The following GABRB1 variants were observed in gnomAD, a reference collection of about 807,000 sequenced individuals.
GABRB1 encodes gamma-aminobutyric acid receptor subunit beta-1.
GABRB1 carries 17 observed loss-of-function variants against 51.6 expected under a neutral mutation model. That is an observed-to-expected ratio of 0.33 (90% CI 0.23 to 0.49). The LOEUF (loss-of-function observed/expected upper bound fraction) is 0.49. Ranked by LOEUF, GABRB1 falls within the 20% of genes least tolerant of loss-of-function variation. GABRB1 has a pLI of 0.99. For missense variants in GABRB1, 410 were observed against 600.6 expected (o/e 0.68, Z 3.32); for synonymous variants, 247 against 218.9 (o/e 1.13, Z -1.14).
At chr4:47,076,917 T>G (rs947342947) in intron 3 of GABRB1, among the ~76,000 whole-genome samples, 1 of 152,224 alleles carries the variant, frequency 6.6e-6, no homozygotes, top group Non-Finnish European at 1.5e-5. Context: ...TCTTTTCTCC[T>G]TGGCCCACTG....
At chr4:47,315,877 G>A (rs1724867344) in intron 4 of GABRB1, among the ~76,000 whole-genome samples, 2 of 151,780 alleles carry the variant, frequency 1.3e-5, no homozygotes, top group South Asian at 4.2e-4. Flanking sequence ...AGTCACTGAG[G>A]CATACTTGAA....
At chr4:47,146,995 C>T (rs1316810505) in intron 3 of GABRB1, among the ~76,000 whole-genome samples, 1 of 151,896 alleles carries the variant, frequency 6.6e-6, no homozygotes, top group East Asian at 1.9e-4. Flanking sequence ...TTTTTCTGGG[C>T]CACTTTTATT....
chr4:47,276,704 G>A (rs932461055), intron 4 of GABRB1, among the ~76,000 whole-genome samples: 2 of 151,968 alleles, frequency 1.3e-5, no homozygotes, highest in African/African-American at 4.8e-5. Context: ...ATCTTATTAC[G>A]CTAATGCAGA....
At chr4:47,020,582 C>A (rs540501417) in intron 1 of GABRB1, among the ~76,000 whole-genome samples, 1 of 152,160 alleles carries the variant, frequency 6.6e-6, no homozygotes, top group Non-Finnish European at 1.5e-5. Flanking sequence ...TCGAAGATAT[C>A]GGAGTCATCT....
intron 4 of GABRB1, among the ~76,000 whole-genome samples, chr4:47,245,800 G>T (rs2109855215): frequency 6.7e-6 from 1 of 150,166 alleles, no homozygotes; most frequent in African/African-American, 2.4e-5. Context: ...GCATACTGTG[G>T]TCTTTTCGTT....
rs565274684 is a variant in GABRB1 at position 47,310,545 on chromosome 4, A to C, written c.462-9582A>C. Among the ~76,000 whole-genome samples the C allele has an allele frequency of 2.6e-5, 4 of 152,286 alleles. No homozygotes were observed. In the South Asian group the frequency reaches 8.3e-4, roughly 32 times the overall value. On this transcript the variant is annotated intron_variant, in intron 4 of 8. Transcript: ENST00000295454. Reference sequence around the variant, plus strand: ...CATGGAAGAAATGTTACTGAAGCAAATCTTCTCTGCTTAGATTCATCTGGC... The same window carrying C: ...CATGGAAGAAATGTTACTGAAGCAACTCTTCTCTGCTTAGATTCATCTGGC...
At chr4:47,147,495 A>G (rs907936157) in intron 3 of GABRB1, among the ~76,000 whole-genome samples, 3 of 152,146 alleles carry the variant, frequency 2.0e-5, no homozygotes, top group Non-Finnish European at 4.4e-5. Context: ...CCTGCCCTCA[A>G]CACTGAGGAT....
chr4:47,380,258 T>C (rs574694925), intron 5 of GABRB1, among the ~76,000 whole-genome samples: 101 of 152,208 alleles, frequency 6.6e-4, no homozygotes, highest in Non-Finnish European at 1.3e-3. Context: ...GCCTGCCAAG[T>C]AATAACTTTA....
At chr4:47,414,923 C>T (rs971276611) in intron 8 of GABRB1, among the ~76,000 whole-genome samples, 7 of 152,166 alleles carry the variant, frequency 4.6e-5, no homozygotes, top group African/African-American at 1.7e-4. Flanking sequence ...GGAAAACTCA[C>T]CCTGCCTTTG....
intron 3 of GABRB1, among the ~76,000 whole-genome samples, chr4:47,050,650 A>G (rs1560511743): frequency 6.6e-6 from 1 of 152,168 alleles, no homozygotes; most frequent in Non-Finnish European, 1.5e-5. Context: ...GACATTCAAC[A>G]CTGTGAGATA....
At chr4:47,047,923 G>A (rs1190930303) in intron 3 of GABRB1, among the ~76,000 whole-genome samples, 1 of 152,106 alleles carries the variant, frequency 6.6e-6, no homozygotes, top group African/African-American at 2.4e-5. Flanking sequence ...GGAGTGAGAA[G>A]ATGCTGGAAG....
chr4:47,374,183 T>G (rs1378060259), intron 5 of GABRB1, among the ~76,000 whole-genome samples: 5 of 152,238 alleles, frequency 3.3e-5, no homozygotes, highest in Admixed American at 3.3e-4. Flanking sequence ...TACATAATTC[T>G]GCAGGCCAGC....
At chr4:47,022,609 C>T (rs1016306199) in intron 1 of GABRB1, among the ~76,000 whole-genome samples, 7 of 151,978 alleles carry the variant, frequency 4.6e-5, no homozygotes, top group African/African-American at 1.4e-4. Context: ...GATGTCATCT[C>T]GCCCCAGTTA....
chr4:47,149,305 T>C (rs1717323725), intron 3 of GABRB1, among the ~76,000 whole-genome samples: 1 of 152,074 alleles, frequency 6.6e-6, no homozygotes, highest in Admixed American at 6.6e-5. Context: ...TTCTGTAACA[T>C]ATTTTAGGCT....
intron 4 of GABRB1, among the ~76,000 whole-genome samples, chr4:47,285,794 C>G (rs1266065895): frequency 6.6e-6 from 1 of 152,104 alleles, no homozygotes; most frequent in South Asian, 2.1e-4. Flanking sequence ...CATAAAAGGC[C>G]TGGTACATAG....
At position 47,415,016 on chromosome 4, in the gene GABRB1, C is replaced by G. The variant is rs565514832; in HGVS notation, c.1080+8090C>G. Among the ~76,000 whole-genome samples, 22 of 152,302 alleles carry G rather than the reference C, an allele frequency of 1.4e-4. No homozygotes were observed. The South Asian group carries it at 4.6e-3, about 32-fold the overall frequency. ...ATAGTTCATGAATTTCTTTATTCCTCAAACCCCTGTCCTAATCTGGCTTCG... is the reference window on the plus strand; with the variant it reads ...ATAGTTCATGAATTTCTTTATTCCTGAAACCCCTGTCCTAATCTGGCTTCG... On this transcript the variant is annotated intron_variant, in intron 8 of 8. Coordinates refer to ENST00000295454, the MANE Select transcript of GABRB1 (RefSeq NM_000812.4).
chr4:47,054,600 G>A (rs1382002780), intron 3 of GABRB1, among the ~76,000 whole-genome samples: 1 of 129,502 alleles, frequency 7.7e-6, no homozygotes, highest in Non-Finnish European at 1.7e-5. Flanking sequence ...TTTTTTTTTT[G>A]AGATGGAGTC....
chr4:47,321,795 C>T (rs1725095877), intron 5 of GABRB1, among the ~76,000 whole-genome samples: 1 of 152,288 alleles, frequency 6.6e-6, no homozygotes, highest in South Asian at 2.1e-4. Flanking sequence ...ACCTTGGCTT[C>T]TGCTGGAGAA....
At chr4:47,197,095 A>G (rs1482132825) in intron 4 of GABRB1, among the ~76,000 whole-genome samples, 2 of 152,354 alleles carry the variant, frequency 1.3e-5, no homozygotes, top group African/African-American at 4.8e-5. Flanking sequence ...GATTCCTCTT[A>G]GAACCTGCAG....
Sources: gnomAD v4.1 joint callset for allele counts (sites outside exome capture counted in the v4.1 genomes callset) on GRCh38, gnomAD v4.1.1 for gene constraint, MANE v1.5 for transcripts, NCBI Gene and HGNC (gene_info 2026-07-23, HGNC 2026-07-21) for gene names.